The following RP1 variants were observed in gnomAD, a reference collection of about 807,000 sequenced individuals.
The protein encoded by RP1 is RP1 axonemal microtubule associated.
Under a neutral mutation model 14.8 loss-of-function variants are expected in RP1, and 16 were observed. That is an observed-to-expected ratio of 1.08 (90% CI 0.73 to 1.65). RP1 has a LOEUF of 1.65. Ranked by LOEUF, RP1 falls within the 40% of genes most tolerant of loss-of-function variation. The pLI is 0.00. For missense variants in RP1, 2,631 were observed against 2,535.0 expected (o/e 1.04, Z -0.81); for synonymous variants, 876 against 883.6 (o/e 0.99, Z 0.15).
intron 22 of RP1, among the ~76,000 whole-genome samples, chr8:54,767,870 A>G (rs1215406192): frequency 6.6e-6 from 1 of 152,246 alleles, no homozygotes; most frequent in African/African-American, 2.4e-5. Flanking sequence ...GAACACTGTG[A>G]GCTAAAGTGG....
chr8:54,801,417 C>A (rs1262664018), intron 24 of RP1, among the ~76,000 whole-genome samples: 8 of 152,188 alleles, frequency 5.3e-5, no homozygotes, highest in African/African-American at 1.7e-4. Flanking sequence ...GTTTTTGCCA[C>A]TCCCCTCAGA....
At position 54,625,808 on chromosome 8, in the gene RP1, T is replaced by A; in HGVS notation, c.1926T>A (p.Ile642=). 4 of 1,613,422 alleles carry A rather than the reference T, an allele frequency of 2.5e-6. No homozygotes were observed. Among genetic ancestry groups the A allele is most frequent in the Non-Finnish European group, 3.4e-6 (4 of 1,179,982 alleles). The change falls in exon 4 of 4, where the codon ATT becomes ATA. Residue 642 remains isoleucine, a synonymous_variant. Transcript: ENST00000220676. ...CATCCTCTACTGTCACTGCAAGAAT[T>A]GACAGACTAATTAATGAATTTGCTC... ...SEASSTVTAR[I]DRLINEFAQC...
chr8:54,608,058 C>T (rs1157772758), intron 1 of RP1, among the ~76,000 whole-genome samples: 3 of 152,118 alleles, frequency 2.0e-5, no homozygotes, highest in Non-Finnish European at 4.4e-5. Context: ...GTCCTGCACC[C>T]ACTGTCTGAC....
At chr8:54,836,893 A>C (rs1811669986) in intron 24 of RP1, among the ~76,000 whole-genome samples, 1 of 152,238 alleles carries the variant, frequency 6.6e-6, no homozygotes, top group Non-Finnish European at 1.5e-5. Context: ...AGGAATTTTC[A>C]AAAGAAAAAT....
chr8:54,705,995 G>A (rs1230251770), intron 14 of RP1, among the ~76,000 whole-genome samples: 2 of 151,690 alleles, frequency 1.3e-5, no homozygotes, highest in Admixed American at 6.6e-5. Context: ...TGATTACATA[G>A]GATTTTCTTA....
At chr8:54,575,285 A>G (rs1804616927) in intron 1 of RP1, among the ~76,000 whole-genome samples, 1 of 152,228 alleles carries the variant, frequency 6.6e-6, no homozygotes, top group Non-Finnish European at 1.5e-5. Context: ...TAATGTAACA[A>G]GGATACTGAG....
At chr8:54,695,013 T>C (rs1807823117) in intron 12 of RP1, among the ~76,000 whole-genome samples, 1 of 152,212 alleles carries the variant, frequency 6.6e-6, no homozygotes, top group African/African-American at 2.4e-5. Flanking sequence ...GATTCTGGTA[T>C]GTTGCGTCTT....
chr8:54,791,731 G>C (rs538018465), intron 24 of RP1, among the ~76,000 whole-genome samples: 88 of 152,026 alleles, frequency 5.8e-4, no homozygotes, highest in Non-Finnish European at 1.0e-3. Flanking sequence ...AAAAGATTAA[G>C]AGACAGAGAT....
exon 14 of RP1, chr8:54,701,550 A>T: frequency 6.5e-7 from 1 of 1,535,666 alleles, no homozygotes; most frequent in Non-Finnish European, 8.7e-7. Context: ...GCACTTCTTG[A>T]GTCGGCACTG....
chr8:54,704,912 A>G (rs1286212674), intron 14 of RP1, among the ~76,000 whole-genome samples: 1 of 152,214 alleles, frequency 6.6e-6, no homozygotes, highest in African/African-American at 2.4e-5. Flanking sequence ...ACTTCTGCAT[A>G]TGATACTGTA....
chr8:54,720,024 G>A, intron 15 of RP1: 1 of 928,090 alleles, frequency 1.1e-6, no homozygotes, highest in South Asian at 1.9e-5. Flanking sequence ...ATTTATCATA[G>A]TGATTCGAAA....
chr8:54,572,812 C>G (rs954784833), intron 1 of RP1, among the ~76,000 whole-genome samples: 1 of 152,140 alleles, frequency 6.6e-6, no homozygotes, highest in African/African-American at 2.4e-5. Context: ...CCCTGCTGGT[C>G]CCACCCTGCT....
In RP1 at chr8:54,568,219, A is replaced by C. The variant is rs79486211; in HGVS notation, c.-13+8899A>C. Among the ~76,000 whole-genome samples the C allele has an allele frequency of 4.1e-3, 628 of 152,308 alleles. 5 individuals are homozygous for C. Among genetic ancestry groups the C allele is most frequent in the African/African-American group, 0.014 (593 of 41,556 alleles). ...CACATAACACTACTGTTTCCAGCTC[A>C]GTGATTGGAACAGTGACATGGTGAC... On this transcript the variant is annotated intron_variant, in intron 1 of 22. Transcript: ENST00000636932.
intron 28 of RP1, among the ~76,000 whole-genome samples, chr8:54,866,449 G>T (rs979679859): frequency 2.6e-5 from 4 of 152,154 alleles, no homozygotes; most frequent in African/African-American, 9.7e-5. Flanking sequence ...GGTGGTCATA[G>T]GTGAATCTCT....
chr8:54,774,017 G>T (rs143866793), downstream of RP1, among the ~76,000 whole-genome samples: 18 of 152,302 alleles, frequency 1.2e-4, no homozygotes, highest in Non-Finnish European at 2.2e-4. Flanking sequence ...CTCAAAGAAA[G>T]AAAATTAAAT....
intron 26 of RP1, among the ~76,000 whole-genome samples, chr8:54,853,072 G>A (rs887812354): frequency 6.6e-6 from 1 of 152,202 alleles, no homozygotes; most frequent in African/African-American, 2.4e-5. Flanking sequence ...GAGGGCCCAA[G>A]ATCCTGGAGA....
At chr8:54,787,391 A>C (rs1563376460) in intron 24 of RP1, among the ~76,000 whole-genome samples, 1 of 152,090 alleles carries the variant, frequency 6.6e-6, no homozygotes, top group Non-Finnish European at 1.5e-5. Flanking sequence ...ATATCCATTG[A>C]AATCATGAAA....
chr8:54,640,968 T>G (rs1806442405), intron 3 of RP1, among the ~76,000 whole-genome samples: 1 of 151,112 alleles, frequency 6.6e-6, no homozygotes, highest in Non-Finnish European at 1.5e-5. Flanking sequence ...CCTTTTTTTT[T>G]TTTTTTTTTG....
chr8:54,630,843 T>C (rs1282395627), downstream of RP1: 2 of 995,328 alleles, frequency 2.0e-6, no homozygotes, highest in African/African-American at 1.7e-5. Flanking sequence ...TTGTGCCAAA[T>C]ATGTTGAGTC....
Sources: allele counts gnomAD v4.1 joint callset (sites outside exome capture counted in the v4.1 genomes callset), GRCh38; gene constraint gnomAD v4.1.1; transcripts MANE v1.5; gene names NCBI Gene and HGNC (gene_info 2026-07-23, HGNC 2026-07-21).